Variants in PRKDC observed in about 807,000 individuals in gnomAD.
PRKDC encodes the protein protein kinase, DNA-activated, catalytic subunit, also known as DNA-dependent protein kinase catalytic subunit.
In PRKDC, 82 loss-of-function variants were observed where a neutral mutation model predicts 486.9. That is an observed-to-expected ratio of 0.17 (90% CI 0.14 to 0.20). The LOEUF (loss-of-function observed/expected upper bound fraction) is 0.20, where lower values mean the gene tolerates loss of function less well. Ranked by LOEUF, PRKDC falls within the 10% of genes least tolerant of loss-of-function variation. The pLI is 1.00. For missense variants in PRKDC, 4,504 were observed against 5,038.2 expected (o/e 0.89, Z 3.21); for synonymous variants, 1,895 against 1,837.0 (o/e 1.03, Z -0.81).
At chr8:47,819,031 C>T (rs550601788) in intron 67 of PRKDC, among the ~76,000 whole-genome samples, 1 of 152,150 alleles carries the variant, frequency 6.6e-6, no homozygotes, top group Non-Finnish European at 1.5e-5. Flanking sequence ...CACAGCTTTC[C>T]GTCTGCAAGC....
rs529999429 is a variant in PRKDC, at chr8:47,881,957, G to C, written c.4917C>G (p.Leu1639=). Residue 1639 remains leucine (L), a synonymous_variant, in exon 37 of 86, where the codon CTC becomes CTG. Transcript: ENST00000314191. The stretch of plus-strand genomic sequence containing the variant: ...AGGCCAGCACTGCCATTTTAGTTTC[G>C]AGAGGGGAATCTTTGGCCCACCATG... The part of the protein sequence containing the change: ...CDSWWAKDSP[L]ETKMAVLALL... The C allele has an allele frequency of 3.1e-6, 5 of 1,613,412 alleles. No individual in the cohort carries two copies. Among genetic ancestry groups the C allele is most frequent in the Admixed American group, 1.7e-5 (1 of 59,932 alleles).
At chr8:47,959,605 G>A (rs1360125851) in intron 1 of PRKDC, among the ~76,000 whole-genome samples, 3 of 151,896 alleles carry the variant, frequency 2.0e-5, no homozygotes, top group African/African-American at 7.3e-5. Context: ...CTTGAACCCG[G>A]GAGGCGGAGG....
chr8:47,882,080 G>A lies in PRKDC; in HGVS notation c.4794C>T (p.Asn1598=), dbSNP rs781344880. Residue 1598 remains asparagine, a synonymous_variant, in exon 37 of 86, where the codon AAC becomes AAT. Coordinates refer to ENST00000314191, the MANE Select transcript of PRKDC (RefSeq NM_006904.7). The part of the protein sequence containing the change: ...DNTKMVSAVL[N]GMLDQSFRER... Reference sequence around the variant, plus strand: ...CCCTGAAGCTCTGGTCTAACATGCCGTTCAAAACGGCACTCACCTGAGACA... The same window carrying A: ...CCCTGAAGCTCTGGTCTAACATGCCATTCAAAACGGCACTCACCTGAGACA... 1.7e-5 allele frequency: 27 copies of A among 1,612,604 alleles called. No individual in the cohort carries two copies. The highest frequency in any genetic ancestry group is 8.9e-5 in the East Asian group (4 of 44,864).
intron 28 of PRKDC, among the ~76,000 whole-genome samples, chr8:47,898,895 T>C (rs10092434): frequency 4.0e-4 from 61 of 152,318 alleles, no homozygotes; most frequent in Admixed American, 1.1e-3. Flanking sequence ...CCTCTCCTAA[T>C]GGACCTGAGA....
Position 47,782,081 on chromosome 8 carries a change from C to T in PRKDC, c.11489+81G>A, listed in dbSNP as rs908031021. ...GGCAGGCAGTGTGGGCTCTCGAGCG[C>T]GCCTGTCACGGCCCCGACCTGCCAC... On this transcript the variant is annotated intron_variant, in intron 80 of 85. Coordinates refer to ENST00000314191, the MANE Select transcript of PRKDC (RefSeq NM_006904.7). This position sits in a 1 kb window ranked among gnomAD's most constrained non-coding sequence, Gnocchi z 4.9. The T allele has an allele frequency of 2.9e-5, 37 of 1,285,306 alleles. No individual in the cohort carries two copies. The highest frequency in any genetic ancestry group is 3.7e-5 in the South Asian group (3 of 80,428). 79.6% of individuals were successfully genotyped at this position (1,285,306 alleles called of 1,614,324 possible).
intron 10 of PRKDC, among the ~76,000 whole-genome samples, chr8:47,940,962 T>G (rs959472335): frequency 3.9e-5 from 6 of 152,010 alleles, no homozygotes; most frequent in Non-Finnish European, 7.4e-5. Context: ...AAACCCTGTC[T>G]CTAACAAAAA....
chr8:47,849,515 A>T lies in PRKDC; in HGVS notation c.7006-12T>A. On this transcript the variant is annotated splice_polypyrimidine_tract_variant and intron_variant, in intron 52 of 85. Coordinates refer to ENST00000314191, the MANE Select transcript of PRKDC (RefSeq NM_006904.7). Reference sequence around the variant, plus strand: ...GACTCCTCCAGTATCTGAAAAATTAAGTTTATTTTCAAATACACAAAAGTG... The same window carrying T: ...GACTCCTCCAGTATCTGAAAAATTATGTTTATTTTCAAATACACAAAAGTG... 1.2e-6 allele frequency: 2 copies of T among 1,609,902 alleles called. No individual in the cohort carries two copies. The highest frequency in any genetic ancestry group is 1.7e-6 in the Non-Finnish European group (2 of 1,178,530).
At chr8:47,852,010 G>A (rs906773847) in intron 52 of PRKDC, among the ~76,000 whole-genome samples, 6 of 152,218 alleles carry the variant, frequency 3.9e-5, no homozygotes, top group Non-Finnish European at 8.8e-5. Flanking sequence ...CAGCTACTCG[G>A]GAGGCTAAGG....
intron 67 of PRKDC, 41 bp downstream of exon 67, chr8:47,819,361 A>G: frequency 7.8e-7 from 1 of 1,284,148 alleles, no homozygotes; most frequent in Non-Finnish European, 1.1e-6. Flanking sequence ...AAACTCTTCC[A>G]CAATTAGAAA....
intron 40 of PRKDC, 146 bp downstream of exon 40, chr8:47,877,578 G>C (rs959788959): frequency 1.3e-6 from 1 of 753,128 alleles, no homozygotes; most frequent in African/African-American, 1.8e-5. Flanking sequence ...AATAATAAAA[G>C]TTTTGTTTTA....
In PRKDC at chr8:47,894,587, C is replaced by A. The variant is rs1484400536; in HGVS notation, c.3599-1200G>T. Among the ~76,000 whole-genome samples, 3 of 152,158 alleles carry A rather than the reference C, an allele frequency of 2.0e-5. No individual in the cohort carries two copies. The East Asian group carries it at 5.8e-4, about 29-fold the overall frequency. On this transcript the variant is annotated intron_variant, in intron 30 of 85. Transcript: ENST00000314191. The stretch of plus-strand genomic sequence containing the variant: ...TTCCTTGGTCTCCACCGAGGACCTG[C>A]TGTCTGTTTCTGGGCCTGGACCACG...
At chr8:47,941,858 A>AAT (rs1292737188) in intron 10 of PRKDC, among the ~76,000 whole-genome samples, 4 of 152,252 alleles carry the variant, frequency 2.6e-5, no homozygotes, top group Non-Finnish European at 5.9e-5. Context: ...TGAAACTCTA[A>AAT]AATCTATTCA....
chr8:47,926,079 T>C (rs1439996672), intron 21 of PRKDC, among the ~76,000 whole-genome samples: 4 of 152,190 alleles, frequency 2.6e-5, no homozygotes, highest in Non-Finnish European at 5.9e-5. Context: ...TCTAAAACTT[T>C]TCAATGAGTT....
chr8:47,923,516 A>G (rs1386000611), intron 21 of PRKDC, among the ~76,000 whole-genome samples: 7 of 152,256 alleles, frequency 4.6e-5, no homozygotes, highest in Non-Finnish European at 1.0e-4. Flanking sequence ...AGCAAGTCAC[A>G]TCAGGATGCA....
intron 24 of PRKDC, among the ~76,000 whole-genome samples, chr8:47,913,402 A>AT (rs966026284): frequency 1.9e-3 from 275 of 147,232 alleles, no homozygotes; most frequent in African/African-American, 4.1e-3. Context: ...TTGAAAGGCA[A>AT]TTTTTTTTTT....
intron 26 of PRKDC, 28 bp from the exon 27 acceptor site, chr8:47,902,823 G>A (rs1167064803): frequency 9.8e-6 from 15 of 1,537,200 alleles, no homozygotes; most frequent in East Asian, 2.3e-5. Flanking sequence ...GACCTTGATT[G>A]TACTAATTTT....
intron 44 of PRKDC, 143 bp from the exon 45 acceptor site, chr8:47,861,114 CAA>C: frequency 1.6e-6 from 1 of 616,038 alleles, no homozygotes. Context: ...AAAATAACCT[CAA>C]AAAGAGACTA....
Position 47,804,784 on chromosome 8 carries a change from CAA to C in PRKDC, c.9748-1306_9748-1305del, listed in dbSNP as rs530151015. Among the ~76,000 whole-genome samples the C allele has an allele frequency of 1.7e-4, 26 of 152,076 alleles. No homozygotes were observed. In the East Asian group the frequency reaches 4.9e-3, roughly 28 times the overall value. On this transcript the variant is annotated intron_variant, in intron 69 of 85. Coordinates refer to ENST00000314191, the MANE Select transcript of PRKDC (RefSeq NM_006904.7). ...GTTTTGTTTTGTTTTGTTTTTGAGG[CAA>C]AGTTTTGCTCTTGTCACCAGGCTGG...
In PRKDC at chr8:47,821,790, A is replaced by G; in HGVS notation, c.8925T>C (p.Ala2975=). The change falls in exon 65 of 86, where the codon GCT becomes GCC. Residue 2975 remains alanine, a splice_region_variant and synonymous_variant. Coordinates refer to ENST00000314191, the MANE Select transcript of PRKDC (RefSeq NM_006904.7). ...CATCTACCCAGTCTTGTTTATTGAG[A>G]GCCTAGTGGAGAAAAGTTAATAAAA... ...YSEAAKQYDE[A]LNKQDWVDGE... The G allele has an allele frequency of 6.5e-7, 1 of 1,544,516 alleles. No individual in the cohort carries two copies. The highest frequency in any genetic ancestry group is 8.7e-7 in the Non-Finnish European group (1 of 1,153,894).
Sources: allele counts gnomAD v4.1 joint callset (sites outside exome capture counted in the v4.1 genomes callset), GRCh38; gene constraint gnomAD v4.1.1; non-coding constraint Gnocchi (gnomAD v3.1); transcripts MANE v1.5; gene names NCBI Gene and HGNC (gene_info 2026-07-23, HGNC 2026-07-21).